The following OSBPL6 variants were observed in gnomAD, a reference collection of about 807,000 sequenced individuals.
The protein encoded by OSBPL6 is oxysterol binding protein like 6, also known as oxysterol-binding protein-related protein 6.
A neutral mutation model predicts 125.8 loss-of-function variants in OSBPL6; 49 were observed. That is an observed-to-expected ratio of 0.39 (90% CI 0.31 to 0.49). The LOEUF (loss-of-function observed/expected upper bound fraction) is 0.49. OSBPL6 is among the 20% of genes least tolerant of loss of function. The pLI is 0.88. For synonymous variants in OSBPL6, 394 were observed against 391.8 expected, an observed-to-expected ratio of 1.01 and a Z score of -0.07; for missense variants, 986 against 1,135.4, an observed-to-expected ratio of 0.87 and a Z score of 1.89.
intron 15 of OSBPL6, among the ~76,000 whole-genome samples, chr2:178,381,171 T>C (rs1694441340): frequency 6.6e-6 from 1 of 152,208 alleles, no homozygotes; most frequent in Non-Finnish European, 1.5e-5. Flanking sequence ...ATTCCTCTGA[T>C]GTTCTATCTT....
intron 2 of OSBPL6, among the ~76,000 whole-genome samples, chr2:178,294,039 G>A (rs1245608744): frequency 2.0e-5 from 3 of 152,078 alleles, no homozygotes; most frequent in Admixed American, 2.0e-4. Context: ...ACTTGACAGT[G>A]AGTTCTTAGT....
intron 1 of OSBPL6, among the ~76,000 whole-genome samples, chr2:178,217,666 G>T (rs777185760): frequency 1.3e-5 from 2 of 152,180 alleles, no homozygotes; most frequent in Non-Finnish European, 2.9e-5. Flanking sequence ...GTTCCATCAG[G>T]TATGACATTT....
intron 13 of OSBPL6, among the ~76,000 whole-genome samples, chr2:178,366,047 C>A (rs186224191): frequency 6.6e-6 from 1 of 152,106 alleles, no homozygotes; most frequent in Non-Finnish European, 1.5e-5. Flanking sequence ...TGAACCACCA[C>A]GTCCGGCTAA....
In OSBPL6 at chr2:178,336,428, C is replaced by T; in HGVS notation, c.785C>T (p.Ala262Val). 2 of 1,613,832 alleles carry T rather than the reference C, an allele frequency of 1.2e-6. No individual in the cohort carries two copies. Among genetic ancestry groups the T allele is most frequent in the Non-Finnish European group, 1.7e-6 (2 of 1,179,908 alleles). Residue 262 changes from alanine (A) to valine (V), a missense_variant, in exon 9 of 25, where the codon GCA becomes GTA. By Grantham distance (64) the Ala-to-Val change is moderately conservative. This residue lies in a region of OSBPL6 where 843 missense variants were observed against 997.3 expected (regional missense o/e 0.85). Coordinates refer to ENST00000190611, the MANE Select transcript of OSBPL6 (RefSeq NM_032523.4). Reference sequence around the variant, plus strand: ...GACTCGGAAGAGATGGACAGGTGTGCAGAAGGTTAGTTCTTGCCCAGTGTG... The same window carrying T: ...GACTCGGAAGAGATGGACAGGTGTGTAGAAGGTTAGTTCTTGCCCAGTGTG... ...LQDSEEMDRC[A>V]EDLAHCQSNL... is the part of the protein sequence containing the mutation.
At position 178,338,997 on chromosome 2, in the gene OSBPL6, C is replaced by A. The variant is rs148663743; in HGVS notation, c.797C>A (p.Ala266Glu). 4.3e-6 allele frequency: 7 copies of A among 1,610,198 alleles called. 1 individual carries two copies. The East Asian group carries it at 1.6e-4, about 36-fold the overall frequency. Residue 266 changes from alanine (A) to glutamate (E), a missense_variant, in exon 10 of 25, where the codon GCA (alanine) becomes GAA (glutamate). Ala to Glu is a moderately radical substitution (Grantham distance 107, BLOSUM62 -1). Around this residue, in one of 3 missense-constraint regions of OSBPL6, gnomAD observed 843 missense variants for 997.3 expected, o/e 0.85. Transcript: ENST00000190611. The stretch of plus-strand genomic sequence containing the variant: ...ATTTCTGATTTCTTATTAGATCTTG[C>A]ACATTGCCAGTCAAACCTTGTGGAA... ...EEMDRCAEDL[A>E]HCQSNLVELS...
chr2:178,279,709 A>C (rs1024738331), intron 1 of OSBPL6, among the ~76,000 whole-genome samples: 2 of 152,180 alleles, frequency 1.3e-5, no homozygotes, highest in Non-Finnish European at 2.9e-5. Context: ...ATACTTTTTG[A>C]AAGAACCAAT....
chr2:178,267,183 G>A (rs1234653829), intron 1 of OSBPL6, among the ~76,000 whole-genome samples: 10 of 151,924 alleles, frequency 6.6e-5, no homozygotes, highest in Non-Finnish European at 1.5e-5. Flanking sequence ...GGGAAACCCT[G>A]TCTCTACTAA....
chr2:178,302,808 A>G (rs1053047596), intron 2 of OSBPL6, among the ~76,000 whole-genome samples: 10 of 152,228 alleles, frequency 6.6e-5, no homozygotes, highest in African/African-American at 2.2e-4. Flanking sequence ...GATGTTAATG[A>G]AAAAAGTACA....
At chr2:178,290,735 T>G (rs548330447) in intron 2 of OSBPL6, among the ~76,000 whole-genome samples, 108 of 152,304 alleles carry the variant, frequency 7.1e-4, no homozygotes, top group African/African-American at 2.6e-3. Flanking sequence ...CTGGTTCTTT[T>G]TAATAGGAAA....
chr2:178,246,673 G>A (rs551018066), intron 1 of OSBPL6, among the ~76,000 whole-genome samples: 1 of 152,136 alleles, frequency 6.6e-6, no homozygotes, highest in South Asian at 2.1e-4. Flanking sequence ...TAAAAACCTT[G>A]GTGTCTTCTT....
intron 1 of OSBPL6, among the ~76,000 whole-genome samples, chr2:178,258,760 CT>C (rs67352645): frequency 0.63 from 94,299 of 148,884 alleles, 31,497 homozygotes; most frequent in African/African-American, 0.87. Flanking sequence ...GCTGTTTTGA[CT>C]TTTTTTTTTT....
chr2:178,222,909 A>C (rs899835115), intron 1 of OSBPL6, among the ~76,000 whole-genome samples: 1 of 152,204 alleles, frequency 6.6e-6, no homozygotes, highest in Admixed American at 6.5e-5. Context: ...TTTATTTTTC[A>C]TAAAAATAGT....
intron 1 of OSBPL6, among the ~76,000 whole-genome samples, chr2:178,262,626 G>T (rs1377437528): frequency 6.6e-6 from 1 of 152,190 alleles, no homozygotes; most frequent in African/African-American, 2.4e-5. Flanking sequence ...GACAAGAGCA[G>T]AGTTCCTTTT....
chr2:178,373,747 A>T (rs988933200), intron 14 of OSBPL6, 143 bp from the exon 15 acceptor site: 2 of 944,254 alleles, frequency 2.1e-6, no homozygotes, highest in African/African-American at 3.3e-5. Flanking sequence ...TACAGTGATC[A>T]TTGCTGAATT....
chr2:178,367,364 T>G (rs1692934362), intron 13 of OSBPL6, among the ~76,000 whole-genome samples: 1 of 152,226 alleles, frequency 6.6e-6, no homozygotes, highest in South Asian at 2.1e-4. Flanking sequence ...AGCTCTAGCT[T>G]TGACAGTTTC....
At chr2:178,315,189 G>A (rs1223558653) in intron 3 of OSBPL6, among the ~76,000 whole-genome samples, 1 of 152,170 alleles carries the variant, frequency 6.6e-6, no homozygotes, top group Non-Finnish European at 1.5e-5. Context: ...TTTGCAATGA[G>A]AAGTTTTATT....
In OSBPL6 at chr2:178,401,689, G is replaced by C. The variant is rs762763086; in HGVS notation, c.*6130G>C. On this transcript the variant is annotated 3_prime_UTR_variant, in exon 25 of 25. Transcript: ENST00000190611. Reference sequence around the variant, plus strand: ...GGGGGCATATGGTTGGATCCCAGGTGGGCCACGAAAATCATCTTGGATATT... The same window carrying C: ...GGGGGCATATGGTTGGATCCCAGGTCGGCCACGAAAATCATCTTGGATATT... The C allele has an allele frequency of 5.9e-5, 9 of 152,156 alleles. No homozygotes were observed. The highest frequency in any genetic ancestry group is 4.6e-4 in the Admixed American group (7 of 15,272). 9.4% of individuals were successfully genotyped at this position (152,156 alleles called of 1,614,324 possible). A position where few individuals can be genotyped will look rare whatever the true frequency, so the allele number is the denominator to read the frequency against.
At chr2:178,332,486 A>C (rs1689289604) in intron 6 of OSBPL6, among the ~76,000 whole-genome samples, 155 bp from the exon 7 acceptor site, 1 of 152,248 alleles carries the variant, frequency 6.6e-6, no homozygotes, top group South Asian at 2.1e-4. Flanking sequence ...AACCTAATCC[A>C]TAGAACCTTA....
chr2:178,388,353 G>A (rs1420568138), intron 20 of OSBPL6, among the ~76,000 whole-genome samples: 1 of 152,140 alleles, frequency 6.6e-6, no homozygotes, highest in Non-Finnish European at 1.5e-5. Flanking sequence ...CACACTCTGT[G>A]GTGCCTCCCT....
Sources: allele counts gnomAD v4.1 joint callset (sites outside exome capture counted in the v4.1 genomes callset), GRCh38; gene constraint gnomAD v4.1.1; regional missense constraint gnomAD v4.1.1; transcripts MANE v1.5; gene names NCBI Gene and HGNC (gene_info 2026-07-23, HGNC 2026-07-21).